Variants in RBFOX1 observed in about 807,000 individuals in gnomAD.
RBFOX1 encodes RNA binding fox-1 homolog 1.
Under a neutral mutation model 57.7 loss-of-function variants are expected in RBFOX1, and 8 were observed. The ratio of observed to expected loss-of-function variants is 0.14; its 90% confidence interval spans 0.08 to 0.25. The LOEUF is 0.25. Among genes scored for constraint, RBFOX1 ranks in the 10% least tolerant of loss-of-function variants. The pLI is 1.00. For synonymous variants in RBFOX1, 326 were observed against 222.4 expected (o/e 1.47, Z -4.15); for missense variants, 611 against 548.5 (o/e 1.11, Z -1.14).
chr16:6,235,979 C>T (rs1185195898), intron 1 of RBFOX1, among the ~76,000 whole-genome samples: 1 of 152,032 alleles, frequency 6.6e-6, no homozygotes, highest in African/African-American at 2.4e-5. Flanking sequence ...TGTAACCAAC[C>T]ACCTGTTCCC....
intron 1 of RBFOX1, among the ~76,000 whole-genome samples, chr16:6,141,960 G>A (rs998432043): frequency 6.6e-6 from 1 of 151,580 alleles, no homozygotes; most frequent in Non-Finnish European, 1.5e-5. Flanking sequence ...TCGGGAGGCT[G>A]AGGCAGAAGA....
intron 3 of RBFOX1, among the ~76,000 whole-genome samples, chr16:5,700,025 G>C (rs1427325531): frequency 6.6e-6 from 1 of 152,006 alleles, no homozygotes; most frequent in Non-Finnish European, 1.5e-5. Flanking sequence ...GTAGAGACGG[G>C]GTTTTACCGT....
chr16:7,185,635 G>T (rs2083571628), intron 4 of RBFOX1, among the ~76,000 whole-genome samples: 1 of 152,200 alleles, frequency 6.6e-6, no homozygotes, highest in Non-Finnish European at 1.5e-5. Context: ...TTGTGTGTCA[G>T]AATCATAAAT....
At chr16:6,919,721 A>G (rs754156167) in intron 3 of RBFOX1, among the ~76,000 whole-genome samples, 26 of 151,934 alleles carry the variant, frequency 1.7e-4, no homozygotes, top group Non-Finnish European at 2.8e-4. Flanking sequence ...TATGTTATAG[A>G]TAAGGAGAAA....
chr16:6,816,635 G>C (rs1177258973), intron 3 of RBFOX1, among the ~76,000 whole-genome samples: 1 of 151,576 alleles, frequency 6.6e-6, no homozygotes, highest in Non-Finnish European at 1.5e-5. Context: ...AGCTGCTTGG[G>C]AGGCTGAGGC....
At chr16:5,355,679 G>A (rs1160268340) in intron 1 of RBFOX1, among the ~76,000 whole-genome samples, 1 of 152,168 alleles carries the variant, frequency 6.6e-6, no homozygotes, top group Non-Finnish European at 1.5e-5. Flanking sequence ...CCTAACCCCT[G>A]GTAACTGTGA....
intron 4 of RBFOX1, among the ~76,000 whole-genome samples, chr16:7,412,843 C>G (rs1046825650): frequency 1.2e-4 from 18 of 152,106 alleles, no homozygotes; most frequent in South Asian, 6.2e-4. Flanking sequence ...GAGATCGAGA[C>G]CATCCTGGCT....
chr16:6,934,597 C>T (rs893651812), intron 3 of RBFOX1, among the ~76,000 whole-genome samples: 15 of 152,124 alleles, frequency 9.9e-5, no homozygotes, highest in African/African-American at 3.6e-4. Context: ...TTTGCAGCAG[C>T]ACAGATGGAA....
chr16:7,680,165 G>C (rs890814588), intron 14 of RBFOX1, among the ~76,000 whole-genome samples: 5 of 152,134 alleles, frequency 3.3e-5, no homozygotes, highest in African/African-American at 1.2e-4. Context: ...TTGATGAATG[G>C]CTTGCTTGAA....
At chr16:7,070,642 C>G (rs1353141902) in intron 4 of RBFOX1, among the ~76,000 whole-genome samples, 5 of 152,162 alleles carry the variant, frequency 3.3e-5, no homozygotes, top group African/African-American at 7.2e-5. Flanking sequence ...CCTAAATGTT[C>G]TAATGCAGAG....
At chr16:6,238,178 A>G (rs1002549761) in intron 1 of RBFOX1, among the ~76,000 whole-genome samples, 2 of 151,896 alleles carry the variant, frequency 1.3e-5, no homozygotes, top group African/African-American at 4.8e-5. Flanking sequence ...TGCCACTTAG[A>G]TGACATAAAA....
At chr16:5,978,759 G>A (rs1288759251) in intron 4 of RBFOX1, among the ~76,000 whole-genome samples, 1 of 151,508 alleles carries the variant, frequency 6.6e-6, no homozygotes, top group Non-Finnish European at 1.5e-5. Flanking sequence ...CATCCAGTCT[G>A]GGTTTGGCTG....
At chr16:7,644,201 G>C (rs1032741212) in intron 11 of RBFOX1, among the ~76,000 whole-genome samples, 32 of 152,154 alleles carry the variant, frequency 2.1e-4, no homozygotes, top group Non-Finnish European at 4.6e-4. Flanking sequence ...GTGAGTATCT[G>C]AGCCACTCTA....
intron 4 of RBFOX1, among the ~76,000 whole-genome samples, chr16:7,227,534 G>A (rs983721748): frequency 2.0e-5 from 3 of 152,212 alleles, no homozygotes; most frequent in East Asian, 1.9e-4. Flanking sequence ...TTCAGACGCA[G>A]TGGTTTCCCT....
At chr16:7,363,506 T>C (rs1037560787) in intron 4 of RBFOX1, among the ~76,000 whole-genome samples, 4 of 142,640 alleles carry the variant, frequency 2.8e-5, no homozygotes, top group African/African-American at 1.0e-4. Flanking sequence ...AAAAAAAAAA[T>C]AAGTAAAGGC....
chr16:7,115,355 G>C (rs2065660160), intron 4 of RBFOX1, among the ~76,000 whole-genome samples: 1 of 152,080 alleles, frequency 6.6e-6, no homozygotes, highest in Non-Finnish European at 1.5e-5. Context: ...AAATATGAAA[G>C]TCCTACCTAC....
intron 3 of RBFOX1, among the ~76,000 whole-genome samples, chr16:6,718,851 C>G (rs932591994): frequency 3.3e-5 from 5 of 151,304 alleles, no homozygotes; most frequent in African/African-American, 1.2e-4. Flanking sequence ...TTTTTCTTAT[C>G]TTTTTTTTTG....
intron 3 of RBFOX1, chr16:7,004,112 C>A (rs918099884): frequency 6.6e-6 from 1 of 151,466 alleles, no homozygotes; most frequent in Non-Finnish European, 1.5e-5. Context: ...AATGTGGACA[C>A]TAGAAATCAG....
intron 2 of RBFOX1, among the ~76,000 whole-genome samples, chr16:6,591,558 G>C (rs763615469): frequency 5.3e-5 from 8 of 152,182 alleles, no homozygotes; most frequent in Non-Finnish European, 7.3e-5. Flanking sequence ...GTAGAGCTGG[G>C]AGAGGAGACC....
Sources: allele counts gnomAD v4.1 joint callset (sites outside exome capture counted in the v4.1 genomes callset), GRCh38; gene constraint gnomAD v4.1.1; transcripts MANE v1.5; gene names NCBI Gene and HGNC (gene_info 2026-07-23, HGNC 2026-07-21).